Variants in F13B observed in about 807,000 individuals in gnomAD.
The protein encoded by F13B is TGase.
Under a neutral mutation model 79.8 loss-of-function variants are expected in F13B, and 58 were observed. The observed-to-expected ratio is 0.73, with a 90% CI of 0.59 to 0.90. F13B has a LOEUF of 0.90. F13B is among the 40% of genes least tolerant of loss of function. The probability of loss-of-function intolerance (pLI) is 0.00; values close to 1 mark genes in which losing one functional copy is unlikely to be tolerated. For synonymous variants in F13B, 283 were observed against 260.3 expected (o/e 1.09, Z -0.84); for missense variants, 773 against 777.0 (o/e 0.99, Z 0.06).
chr1:197,060,093 C>T (rs564068473), intron 5 of F13B, among the ~76,000 whole-genome samples: 7 of 151,402 alleles, frequency 4.6e-5, no homozygotes, highest in African/African-American at 1.2e-4. Flanking sequence ...AAAAGTTATT[C>T]GTTATAATAA....
At chr1:197,055,153 G>A (rs941543978) in intron 8 of F13B, among the ~76,000 whole-genome samples, 1 of 151,952 alleles carries the variant, frequency 6.6e-6, no homozygotes, top group Admixed American at 6.6e-5. Context: ...TGTGGAGTGT[G>A]TGCTTGTGTG....
At chr1:197,040,468 G>T in intron 11 of F13B, 54 bp downstream of exon 11, 5 of 1,245,222 alleles carry the variant, frequency 4.0e-6, no homozygotes, top group South Asian at 3.7e-5. Context: ...CTGAAATGTT[G>T]AATAACAATC....
chr1:197,062,469 A>T (rs1458295981), intron 2 of F13B, among the ~76,000 whole-genome samples: 1 of 152,196 alleles, frequency 6.6e-6, no homozygotes, highest in Non-Finnish European at 1.5e-5. Context: ...CTTACAAATG[A>T]TAAAGCATTA....
chr1:197,049,004 CT>C (rs1655344044), intron 10 of F13B, among the ~76,000 whole-genome samples: 1 of 151,752 alleles, frequency 6.6e-6, no homozygotes, highest in Non-Finnish European at 1.5e-5. Context: ...TAAAAAGAAA[CT>C]TCTAAATGAT....
chr1:197,050,210 T>G (rs976290053), intron 10 of F13B, among the ~76,000 whole-genome samples: 1 of 152,110 alleles, frequency 6.6e-6, no homozygotes, highest in East Asian at 1.9e-4. Flanking sequence ...TAAAAAATAT[T>G]TTCTTATTAT....
intron 11 of F13B, chr1:197,040,207 C>T: frequency 3.9e-6 from 1 of 256,866 alleles, no homozygotes. Flanking sequence ...GATTTTTGTC[C>T]TTATCACAGA....
intron 7 of F13B, 98 bp from the exon 8 acceptor site, chr1:197,055,995 G>T: frequency 9.3e-7 from 1 of 1,075,022 alleles, no homozygotes; most frequent in South Asian, 1.6e-5. Context: ...ATATAATTTA[G>T]GACAATTGTT....
At chr1:197,061,709 T>C (rs1655868711) in intron 3 of F13B, 75 bp downstream of exon 3, 2 of 1,177,720 alleles carry the variant, frequency 1.7e-6, no homozygotes, top group Admixed American at 3.7e-5. Context: ...ATAATAGATA[T>C]CAATATAAGC....
chr1:197,060,342 C>A (rs779319934), intron 5 of F13B, 24 bp downstream of exon 5: 3 of 1,580,338 alleles, frequency 1.9e-6, no homozygotes, highest in Non-Finnish European at 2.6e-6. Flanking sequence ...TGGCATTTTG[C>A]GAGTATTAAA....
chr1:197,061,940 C>T lies in F13B; in HGVS notation c.295G>A (p.Gly99Ser). 6.2e-7 allele frequency: 1 copy of T among 1,612,300 alleles called. No individual in the cohort carries two copies. The highest frequency in any genetic ancestry group is 2.2e-5 in the East Asian group (1 of 44,786). ...AATAACTTTACATCAGAGATGTAACCATTACTCAGGTCAGGCTTAGTGCAT... is the reference window on the plus strand; with the variant it reads ...AATAACTTTACATCAGAGATGTAACTATTACTCAGGTCAGGCTTAGTGCAT... ...KKCTKPDLSNGYISDVKLLYK... is the reference protein window; with the variant it reads ...KKCTKPDLSNSYISDVKLLYK... Residue 99 changes from glycine (G) to serine (S), a missense_variant, in exon 3 of 12, where the codon GGT becomes AGT. Physicochemically the swap from Gly to Ser is moderately conservative, Grantham distance 56. Transcript: ENST00000367412.
At chr1:197,056,962 A>C (rs766811391) in intron 7 of F13B, 51 bp downstream of exon 7, 51 of 1,598,358 alleles carry the variant, frequency 3.2e-5, no homozygotes, top group Non-Finnish European at 3.7e-5. Context: ...AACAGAATGG[A>C]AAATTTTACA....
At position 197,063,055 on chromosome 1, in the gene F13B, T is replaced by G. The variant is rs1047178726; in HGVS notation, c.67A>C (p.Lys23Gln). The G allele has an allele frequency of 1.2e-5, 20 of 1,609,936 alleles. No individual in the cohort carries two copies. Among genetic ancestry groups the G allele is most frequent in the Non-Finnish European group, 1.7e-5 (20 of 1,178,048 alleles). Residue 23 changes from lysine to glutamine, a missense_variant and splice_region_variant, in exon 2 of 12, where the codon AAA becomes CAA. Transcript: ENST00000367412. ...TCCACATGAGGAAAACCACAGGGTTTCTCTGAAATGAGTAAATGTCAAGCT... is the reference window on the plus strand; with the variant it reads ...TCCACATGAGGAAAACCACAGGGTTGCTCTGAAATGAGTAAATGTCAAGCT... ...IISGELYAEE[K>Q]PCGFPHVENG...
At position 197,060,631 on chromosome 1, in the gene F13B, T is replaced by C. The variant is rs922361042; in HGVS notation, c.629-89A>G. ...CACTATTTACATGACATAACTAGAATAGAAATTAAATTTGCCAAAAAGCTT... is the reference window on the plus strand; with the variant it reads ...CACTATTTACATGACATAACTAGAACAGAAATTAAATTTGCCAAAAAGCTT... On this transcript the variant is annotated intron_variant, in intron 4 of 11. Transcript: ENST00000367412. 5.2e-6 allele frequency: 5 copies of C among 960,500 alleles called. No individual in the cohort carries two copies. In the African/African-American group the frequency reaches 6.7e-5, roughly 13 times the overall value. 59.5% of individuals were successfully genotyped at this position (960,500 alleles called of 1,614,324 possible).
Position 197,039,461 on chromosome 1 carries a change from G to A in F13B, c.1953-50C>T, listed in dbSNP as rs778832727. 19 of 1,477,206 alleles carry A rather than the reference G, an allele frequency of 1.3e-5. No individual in the cohort carries two copies. In the East Asian group the frequency reaches 3.6e-4, roughly 28 times the overall value. 91.5% of individuals were successfully genotyped at this position (1,477,206 alleles called of 1,614,324 possible). ...TGAAATAAGCATCAATTGCAGTCAG[G>A]TGTTAATTACAATCTCAGCCTTTCA... On this transcript the variant is annotated intron_variant, in intron 11 of 11. Coordinates refer to ENST00000367412, the MANE Select transcript of F13B (RefSeq NM_001994.3).
In F13B at chr1:197,057,371, T is replaced by G. The variant is rs1364281867; in HGVS notation, c.900A>C (p.Ile300=). 6.2e-7 allele frequency: 1 copy of G among 1,613,812 alleles called. No individual in the cohort carries two copies. The highest frequency in any genetic ancestry group is 8.5e-7 in the Non-Finnish European group (1 of 1,179,862). ...TTYRHGEIVH[I]ECELNFEIHG... ...GGATCTCAAAATTAAGTTCACATTC[T>G]ATATGAACTATTTCTCCATGACGAT... Residue 300 remains isoleucine (I), a synonymous_variant, in exon 6 of 12, where the codon ATA becomes ATC. Coordinates refer to ENST00000367412, the MANE Select transcript of F13B (RefSeq NM_001994.3).
At chr1:197,055,961 CTATAGTGTCTCGATATTTGTATTA>C (rs1185075889) in intron 7 of F13B, 64 bp from the exon 8 acceptor site, 23 of 1,263,216 alleles carry the variant, frequency 1.8e-5, no homozygotes, top group Non-Finnish European at 2.5e-5. Context: ...GTAACTCATA[CTATAGTGTCTCGATATTTGTATTA>C]TATAATTTAG....
intron 8 of F13B, among the ~76,000 whole-genome samples, chr1:197,053,279 T>C (rs977328057): frequency 6.6e-6 from 1 of 152,120 alleles, no homozygotes; most frequent in African/African-American, 2.4e-5. Flanking sequence ...GTGGCTGATA[T>C]GGTTTGGCTG....
chr1:197,064,342 T>C (rs1655974277), intron 1 of F13B, among the ~76,000 whole-genome samples: 1 of 152,134 alleles, frequency 6.6e-6, no homozygotes, highest in Non-Finnish European at 1.5e-5. Context: ...AAAATGCTTA[T>C]AGTGGCAGTA....
Position 197,062,977 on chromosome 1 carries a change from T to C in F13B, c.145A>G (p.Met49Val), listed in dbSNP as rs6002. ...YYTFKSFYFP[M>V]SIDKKLSFFC... ...AATGACAATTTTTTGTCTATGCTCA[T>C]TGGAAAGTAAAAGCTTTTAAAAGTA... Residue 49 changes from methionine to valine, a missense_variant, in exon 2 of 12, where the codon ATG (methionine) becomes GTG (valine). Transcript: ENST00000367412. 24 of 1,613,790 alleles carry C rather than the reference T, an allele frequency of 1.5e-5. No homozygotes were observed. The highest frequency in any genetic ancestry group is 1.3e-4 in the East Asian group (6 of 44,858).
Sources: allele counts gnomAD v4.1 joint callset (sites outside exome capture counted in the v4.1 genomes callset), GRCh38; gene constraint gnomAD v4.1.1; transcripts MANE v1.5; gene names NCBI Gene and HGNC (gene_info 2026-07-23, HGNC 2026-07-21).